The following ADAMTS7 variants were observed in gnomAD, a reference collection of about 807,000 sequenced individuals.
The protein encoded by ADAMTS7 is A disintegrin and metalloproteinase with thrombospondin motifs 7.
A neutral mutation model predicts 172.6 loss-of-function variants in ADAMTS7; 89 were observed. The observed-to-expected ratio is 0.52, with a 90% CI of 0.43 to 0.61. ADAMTS7 has a LOEUF of 0.61. Ranked by LOEUF, ADAMTS7 falls within the 20% of genes least tolerant of loss-of-function variation. The pLI is 0.00. For missense variants in ADAMTS7, 1,973 were observed against 2,355.6 expected (o/e 0.84, Z 3.36); for synonymous variants, 885 against 978.4 (o/e 0.90, Z 1.78).
At chr15:78,803,479 G>A (rs1351956677) in intron 1 of ADAMTS7, among the ~76,000 whole-genome samples, 1 of 146,208 alleles carries the variant, frequency 6.8e-6, no homozygotes, top group African/African-American at 2.5e-5. Flanking sequence ...TTGAGACAGA[G>A]TCTCTCTCTG....
rs185616468 is a variant in ADAMTS7 at position 78,791,306 on chromosome 15, G to A, written c.820-83C>T. The A allele has an allele frequency of 9.9e-4, 821 of 831,332 alleles. 4 individuals are homozygous for A. The African/African-American group carries it at 0.023, about 23-fold the overall frequency. 51.5% of individuals were successfully genotyped at this position (831,332 alleles called of 1,614,324 possible). A position where few individuals can be genotyped will look rare whatever the true frequency, so the allele number is the denominator to read the frequency against. On this transcript the variant is annotated intron_variant, in intron 4 of 23. Coordinates refer to ENST00000388820, the MANE Select transcript of ADAMTS7 (RefSeq NM_014272.5). ...TGCCCACCCCAACCCACCCACCCAC[G>A]CAGGGCAACGCACACCTGTGCTCAC...
intron 23 of ADAMTS7, among the ~76,000 whole-genome samples, chr15:78,760,688 C>T (rs530086070): frequency 2.6e-5 from 4 of 152,310 alleles, no homozygotes; most frequent in East Asian, 3.9e-4. Context: ...CCACATGTCC[C>T]GCCAACTGTC....
In ADAMTS7 at chr15:78,766,136, C is replaced by T. The variant is rs71407287; in HGVS notation, c.3775G>A (p.Glu1259Lys). ...GCCACTGTGCCTCCTGTCCACAGCT[C>T]CGCCACGTCAGGACTAGGAGAGGAG... Reference protein sequence around the residue: ...THSSPSPDVAELWTGGTVAWE... With the variant: ...THSSPSPDVAKLWTGGTVAWE... The change falls in exon 19 of 24, where the codon GAG (glutamate) becomes AAG (lysine). Residue 1259 changes from glutamate (E) to lysine (K), a missense_variant. Transcript: ENST00000388820. 1 of 1,611,336 alleles carries T rather than the reference C, an allele frequency of 6.2e-7. No individual in the cohort carries two copies. The highest frequency in any genetic ancestry group is 1.7e-5 in the Admixed American group (1 of 59,888).
chr15:78,785,012 G>A (rs1173631856), intron 8 of ADAMTS7, among the ~76,000 whole-genome samples: 6 of 151,706 alleles, frequency 4.0e-5, no homozygotes, highest in Non-Finnish European at 7.4e-5. Flanking sequence ...AGTAGCATGG[G>A]ATCCAAGAAA....
intron 6 of ADAMTS7, among the ~76,000 whole-genome samples, chr15:78,790,402 C>G (rs2055562070): frequency 6.6e-6 from 1 of 152,164 alleles, no homozygotes; most frequent in Non-Finnish European, 1.5e-5. Context: ...TCTAGTCATG[C>G]AAGATGTTAC....
In ADAMTS7 at chr15:78,764,650, G is replaced by A. The variant is rs753775871; in HGVS notation, c.4324C>T (p.Arg1442Trp). Residue 1442 changes from arginine to tryptophan, a missense_variant, in exon 20 of 24, where the codon CGG becomes TGG. Physicochemically the swap from Arg to Trp is moderately radical, Grantham distance 101 (BLOSUM62 -3). Coordinates refer to ENST00000388820, the MANE Select transcript of ADAMTS7 (RefSeq NM_014272.5). ...CCAGCGGGGGCGCAGTCCTCATCCC[G>A]GCCGGAGCTACAGCGCACCGGCCTC... is the stretch of plus-strand genomic sequence containing the variant. ...VWRPVRCSSG[R>W]DEDCAPAGRP... 1.0e-5 allele frequency: 16 copies of A among 1,574,046 alleles called. No homozygotes were observed. Among genetic ancestry groups the A allele is most frequent in the Non-Finnish European group, 1.3e-5 (15 of 1,169,166 alleles).
In ADAMTS7 at chr15:78,760,026, G is replaced by A. The variant is rs7183144; in HGVS notation, c.4904-448C>T. 4.3e-3 allele frequency among the ~76,000 whole-genome samples: 655 copies of A among 152,146 alleles called. 5 individuals carry two copies. Among genetic ancestry groups the A allele is most frequent in the African/African-American group, 0.013 (559 of 41,540 alleles). On this transcript the variant is annotated intron_variant, in intron 23 of 23. Coordinates refer to ENST00000388820, the MANE Select transcript of ADAMTS7 (RefSeq NM_014272.5). ...CACCGCCCCCTGCCCCAGTGCATCTGTCCTGCCAGGCCTCCGTGACCACCT... is the reference window on the plus strand; with the variant it reads ...CACCGCCCCCTGCCCCAGTGCATCTATCCTGCCAGGCCTCCGTGACCACCT...
chr15:78,772,828 C>T (rs1398032619), intron 14 of ADAMTS7, among the ~76,000 whole-genome samples: 1 of 152,230 alleles, frequency 6.6e-6, no homozygotes, highest in African/African-American at 2.4e-5. Context: ...TTTGGAAGGC[C>T]AAGGGGCCAC....
intron 17 of ADAMTS7, 87 bp downstream of exon 17, chr15:78,768,046 G>T (rs2055185648): frequency 1.5e-6 from 1 of 646,578 alleles, no homozygotes; most frequent in African/African-American, 2.5e-5. Flanking sequence ...GTTGGCGGGG[G>T]ATGGGGTGGG....
Position 78,783,893 on chromosome 15 carries a change from T to C in ADAMTS7, c.1322+4338A>G, listed in dbSNP as rs1320810675. ...TCTGAACTGCTAAGTATAATGCAAATACTCAAAAATTAAAAAAAAAATCCA... is the reference window on the plus strand; with the variant it reads ...TCTGAACTGCTAAGTATAATGCAAACACTCAAAAATTAAAAAAAAAATCCA... On this transcript the variant is annotated intron_variant, in intron 8 of 23. Coordinates refer to ENST00000388820, the MANE Select transcript of ADAMTS7 (RefSeq NM_014272.5). Among the ~76,000 whole-genome samples, 6 of 109,360 alleles carry C rather than the reference T, an allele frequency of 5.5e-5. No individual in the cohort carries two copies. The East Asian group carries it at 6.7e-4, about 12-fold the overall frequency. The allele number at this position is 109,360 out of a possible 152,430, so 71.7% of individuals were successfully genotyped here. A position where few individuals can be genotyped will look rare whatever the true frequency, so the allele number is the denominator to read the frequency against.
At chr15:78,806,152 A>C (rs9989296) in intron 1 of ADAMTS7, among the ~76,000 whole-genome samples, 2,930 of 114,522 alleles carry the variant, frequency 0.026, 176 homozygotes, top group African/African-American at 0.089. Context: ...AAAAAAAAAA[A>C]AAACAGAAAA....
chr15:78,798,298 C>T (rs942148649), intron 2 of ADAMTS7, among the ~76,000 whole-genome samples, 185 bp from the exon 3 acceptor site: 1 of 152,188 alleles, frequency 6.6e-6, no homozygotes, highest in East Asian at 1.9e-4. Flanking sequence ...TCTGGAAAGC[C>T]CTTCTCTGCC....
chr15:78,800,138 T>A, intron 2 of ADAMTS7, 54 bp downstream of exon 2: 1 of 1,483,352 alleles, frequency 6.7e-7, no homozygotes, highest in Non-Finnish European at 9.1e-7. Flanking sequence ...AGAGCCAATC[T>A]GCACATCCCA....
chr15:78,774,256 C>T lies in ADAMTS7; in HGVS notation c.1921G>A (p.Ala641Thr), dbSNP rs759227088. 171 of 1,581,702 alleles carry T rather than the reference C, an allele frequency of 1.1e-4. No individual in the cohort carries two copies. Among genetic ancestry groups the T allele is most frequent in the Non-Finnish European group, 1.4e-4 (166 of 1,173,188 alleles). ...LHCRPANEYF[A>T]EKLRDAVVDG... ...ACCACGGCGTCCCGCAGCTTCTCGG[C>T]AAAGTACTCATTCGCGGGCCGGCAG... Residue 641 changes from alanine (A) to threonine (T), a missense_variant, in exon 13 of 24, where the codon GCC becomes ACC. This residue lies in a region of ADAMTS7 where 526 missense variants were observed against 662.9 expected (regional missense o/e 0.79). Transcript: ENST00000388820.
intron 1 of ADAMTS7, among the ~76,000 whole-genome samples, chr15:78,808,846 G>T (rs1221271879): frequency 6.6e-6 from 1 of 152,216 alleles, no homozygotes; most frequent in Non-Finnish European, 1.5e-5. Flanking sequence ...AAGTCAGGAG[G>T]TCTGTTCTGA....
rs372864916 is a variant in ADAMTS7 at position 78,759,766 on chromosome 15, T to C, written c.4904-188A>G. ...TTGCTGTCTCTGTCCCACCTACTCA[T>C]GGCCAACCCCAGGACTCGAGAACGG... On this transcript the variant is annotated intron_variant, in intron 23 of 23. Transcript: ENST00000388820. Among the ~76,000 whole-genome samples, 1,251 of 152,242 alleles carry C rather than the reference T, an allele frequency of 8.2e-3. 11 individuals are homozygous for C. Among genetic ancestry groups the C allele is most frequent in the African/African-American group, 0.022 (902 of 41,522 alleles).
rs370311845 is a variant in ADAMTS7 at position 78,800,270 on chromosome 15, C to A, written c.378G>T (p.Pro126=). The change falls in exon 2 of 24, where the codon CCG becomes CCT. Residue 126 remains proline (P), a synonymous_variant. Transcript: ENST00000388820. ...GCACCTCGCCAAGCAGGTGGCAGGC[C>A]GGGGTGTGGGCCCGGATGTGCGCGC... ...LGRAHIRAHT[P]ACHLLGEVQD... 2 of 1,594,626 alleles carry A rather than the reference C, an allele frequency of 1.3e-6. No individual in the cohort carries two copies. Among genetic ancestry groups the A allele is most frequent in the Non-Finnish European group, 1.7e-6 (2 of 1,177,450 alleles).
chr15:78,763,691 C>T lies in ADAMTS7; in HGVS notation c.4740+8G>A, dbSNP rs773406331. The T allele has an allele frequency of 3.1e-5, 48 of 1,524,722 alleles. No individual in the cohort carries two copies. The highest frequency in any genetic ancestry group is 1.1e-4 in the African/African-American group (8 of 72,640). 94.4% of individuals were successfully genotyped at this position (1,524,722 alleles called of 1,614,324 possible). ...TTGCTCCCTGCTCCTCCCCGCAGCC[C>T]GGCTCACCTGGCCCCAGGGCCCCAC... On this transcript the variant is annotated splice_region_variant and intron_variant, in intron 22 of 23. Transcript: ENST00000388820.
At chr15:78,796,874 G>A (rs1036554889) in intron 3 of ADAMTS7, 88 bp from the exon 4 acceptor site, 2 of 1,253,178 alleles carry the variant, frequency 1.6e-6, no homozygotes, top group Non-Finnish European at 2.2e-6. Flanking sequence ...AGCTCTCTCT[G>A]GGGCACTGGG....
Sources: gnomAD v4.1 joint callset for allele counts (sites outside exome capture counted in the v4.1 genomes callset) on GRCh38, gnomAD v4.1.1 for gene constraint, gnomAD v4.1.1 regional missense constraint, MANE v1.5 for transcripts, NCBI Gene and HGNC (gene_info 2026-07-23, HGNC 2026-07-21) for gene names.